The following MAGI2 variants were observed in gnomAD, a reference collection of about 807,000 sequenced individuals.
The protein encoded by MAGI2 is membrane associated guanylate kinase, WW and PDZ domain containing 2, also known as membrane-associated guanylate kinase, WW and PDZ domain-containing protein 2.
A neutral mutation model predicts 133.3 loss-of-function variants in MAGI2; 35 were observed. The ratio of observed to expected loss-of-function variants is 0.26; its 90% confidence interval spans 0.20 to 0.35. The LOEUF (loss-of-function observed/expected upper bound fraction) is 0.35, where lower values mean the gene tolerates loss of function less well. Ranked by LOEUF, MAGI2 falls within the 10% of genes least tolerant of loss-of-function variation. The pLI is 1.00. For missense variants in MAGI2, 1,636 were observed against 1,863.4 expected (o/e 0.88, Z 2.25); for synonymous variants, 729 against 710.6 (o/e 1.03, Z -0.41).
chr7:78,668,469 A>G (rs919552257), intron 2 of MAGI2, among the ~76,000 whole-genome samples: 85 of 151,046 alleles, frequency 5.6e-4, no homozygotes, highest in African/African-American at 2.0e-3. Flanking sequence ...GTCCTTGCCC[A>G]TGCCTATGTC....
At chr7:78,510,287 T>A (rs1795458457) in intron 4 of MAGI2, among the ~76,000 whole-genome samples, 1 of 152,224 alleles carries the variant, frequency 6.6e-6, no homozygotes, top group Non-Finnish European at 1.5e-5. Flanking sequence ...ATTTAATAAC[T>A]CTGTGGATGC....
At chr7:78,091,058 G>GTGTGTGTT (rs1455244884) in intron 20 of MAGI2, among the ~76,000 whole-genome samples, 1 of 135,094 alleles carries the variant, frequency 7.4e-6, no homozygotes, top group Non-Finnish European at 1.7e-5. Flanking sequence ...GTGTATGTGT[G>GTGTGTGTT]TGTGTGTGTG....
intron 1 of MAGI2, among the ~76,000 whole-genome samples, chr7:79,392,482 A>G (rs966606988): frequency 6.6e-6 from 1 of 152,216 alleles, no homozygotes; most frequent in African/African-American, 2.4e-5. Flanking sequence ...CCAACAGTGT[A>G]AAAGCATTCC....
chr7:78,392,321 T>C (rs1042645318), intron 6 of MAGI2, among the ~76,000 whole-genome samples: 24 of 152,006 alleles, frequency 1.6e-4, no homozygotes, highest in African/African-American at 5.8e-4. Flanking sequence ...AAAATAGAAG[T>C]GGGGGCTGTT....
At chr7:79,431,205 A>G (rs1359740515) in intron 1 of MAGI2, among the ~76,000 whole-genome samples, 1 of 152,198 alleles carries the variant, frequency 6.6e-6, no homozygotes, top group Non-Finnish European at 1.5e-5. Context: ...TTTGGAGCCA[A>G]ATCCCTAAGT....
chr7:78,463,969 G>T (rs2151518944), intron 6 of MAGI2, among the ~76,000 whole-genome samples: 1 of 152,242 alleles, frequency 6.6e-6, no homozygotes, highest in African/African-American at 2.4e-5. Flanking sequence ...ACAAGAGTGA[G>T]TTAACCCATC....
intron 1 of MAGI2, among the ~76,000 whole-genome samples, chr7:79,020,814 C>T (rs2363931): frequency 0.59 from 88,822 of 151,184 alleles, 26,409 homozygotes; most frequent in East Asian, 0.63. Context: ...AAATGTTAAT[C>T]GCCAAGACAA....
chr7:78,896,589 A>C (rs927105661), intron 2 of MAGI2, among the ~76,000 whole-genome samples: 5 of 150,794 alleles, frequency 3.3e-5, no homozygotes, highest in Non-Finnish European at 7.4e-5. Flanking sequence ...TATATTTGAG[A>C]CAGAGTCTCA....
chr7:78,478,797 G>A (rs1323897380), intron 6 of MAGI2, among the ~76,000 whole-genome samples: 1 of 151,864 alleles, frequency 6.6e-6, no homozygotes, highest in Non-Finnish European at 1.5e-5. Context: ...GTATATCTTA[G>A]AGAGCACACC....
chr7:78,976,070 C>G (rs781713403), intron 2 of MAGI2, among the ~76,000 whole-genome samples: 2 of 151,564 alleles, frequency 1.3e-5, no homozygotes, highest in Non-Finnish European at 3.0e-5. Flanking sequence ...TAGCACTTTC[C>G]TACTGTTTCT....
intron 2 of MAGI2, among the ~76,000 whole-genome samples, chr7:78,785,084 T>A (rs1474208655): frequency 6.6e-6 from 1 of 152,226 alleles, no homozygotes; most frequent in African/African-American, 2.4e-5. Flanking sequence ...ATATGTTCAC[T>A]AAACAAAATG....
intron 2 of MAGI2, among the ~76,000 whole-genome samples, chr7:78,655,600 C>G (rs1165637457): frequency 6.6e-6 from 1 of 152,000 alleles, no homozygotes; most frequent in African/African-American, 2.4e-5. Context: ...TAAGTTTGCC[C>G]CTTTCCATGC....
At chr7:78,583,060 C>T (rs1257091130) in intron 3 of MAGI2, among the ~76,000 whole-genome samples, 4 of 152,112 alleles carry the variant, frequency 2.6e-5, no homozygotes, top group Non-Finnish European at 5.9e-5. Flanking sequence ...AGATACCACT[C>T]AAGTCAACAC....
rs140541952 is a variant in MAGI2 at position 78,515,998 on chromosome 7, A to G, written c.754+5432T>C. On this transcript the variant is annotated intron_variant, in intron 4 of 21. Transcript: ENST00000354212. ...AGTTACCAACAAGTACCAGGCTAAT[A>G]CCTTCCAAACACATGAAAAGTGCAA... 3.9e-3 allele frequency among the ~76,000 whole-genome samples: 597 copies of G among 152,310 alleles called. 5 individuals are homozygous for G. The highest frequency in any genetic ancestry group is 0.013 in the African/African-American group (558 of 41,560).
chr7:78,862,689 A>G (rs1159063349), intron 2 of MAGI2, among the ~76,000 whole-genome samples: 2 of 152,206 alleles, frequency 1.3e-5, no homozygotes, highest in African/African-American at 4.8e-5. Context: ...AACATTGAAG[A>G]GTTAATAATG....
intron 2 of MAGI2, among the ~76,000 whole-genome samples, chr7:78,665,063 T>C (rs1563320422): frequency 6.6e-6 from 1 of 152,096 alleles, no homozygotes; most frequent in African/African-American, 2.4e-5. Flanking sequence ...ATCATTTGGT[T>C]CCTGGTATAC....
chr7:79,115,946 T>C (rs2129544255), intron 1 of MAGI2, among the ~76,000 whole-genome samples: 1 of 149,072 alleles, frequency 6.7e-6, no homozygotes, highest in Non-Finnish European at 1.5e-5. Flanking sequence ...TAAAACACCA[T>C]TTTCCAGATT....
At chr7:79,003,038 T>C (rs1682084806) in intron 2 of MAGI2, among the ~76,000 whole-genome samples, 2 of 151,976 alleles carry the variant, frequency 1.3e-5, no homozygotes, top group Admixed American at 6.6e-5. Context: ...GTATTATTTG[T>C]AGTTAAGGGT....
intron 9 of MAGI2, among the ~76,000 whole-genome samples, chr7:78,303,289 G>C (rs977237870): frequency 2.8e-5 from 4 of 142,630 alleles, no homozygotes; most frequent in Admixed American, 7.7e-5. Context: ...TGAGACAGGA[G>C]AATCTCTCGA....
Sources: allele counts gnomAD v4.1 joint callset (sites outside exome capture counted in the v4.1 genomes callset), GRCh38; gene constraint gnomAD v4.1.1; transcripts MANE v1.5; gene names NCBI Gene and HGNC (gene_info 2026-07-23, HGNC 2026-07-21).